Variants in WDHD1 observed in about 807,000 individuals in gnomAD.
The protein encoded by WDHD1 is WD repeat and HMG-box DNA binding protein 1, also known as WD repeat and HMG-box DNA-binding protein 1.
A neutral mutation model predicts 135.4 loss-of-function variants in WDHD1; 111 were observed. That is an observed-to-expected ratio of 0.82 (90% confidence interval 0.70 to 0.96). The LOEUF (loss-of-function observed/expected upper bound fraction) is 0.96. Ranked by LOEUF, WDHD1 falls within the 40% of genes least tolerant of loss-of-function variation. The pLI, the probability that WDHD1 is intolerant of heterozygous loss-of-function variation, is 0.00. For synonymous variants in WDHD1, 434 were observed against 439.0 expected (o/e 0.99, Z 0.14); for missense variants, 1,351 against 1,336.3 (o/e 1.01, Z -0.17).
At chr14:54,964,299 A>T (rs1473527353) in intron 18 of WDHD1, among the ~76,000 whole-genome samples, 3 of 152,066 alleles carry the variant, frequency 2.0e-5, no homozygotes, top group Non-Finnish European at 4.4e-5. Context: ...TTTATCTATA[A>T]TCAGTACTTC....
chr14:54,987,437 CAT>C lies in WDHD1; in HGVS notation c.1527-52_1527-51del, dbSNP rs139807986. ...CAATCAAACTTTCATATGATATTTA[CAT>C]ATATATATATATAAGCAATCATGAT... On this transcript the variant is annotated intron_variant, in intron 13 of 25. Coordinates refer to ENST00000360586, the MANE Select transcript of WDHD1 (RefSeq NM_007086.4). The C allele has an allele frequency of 1.4e-3, 1,918 of 1,328,258 alleles. 2 individuals are homozygous for C. Among genetic ancestry groups the C allele is most frequent in the South Asian group, 2.0e-3 (140 of 69,402 alleles). The allele number at this position is 1,328,258 out of a possible 1,614,324, so 82.3% of individuals were successfully genotyped here.
Position 54,989,127 on chromosome 14 carries a change from T to A in WDHD1, c.1427A>T (p.His476Leu). The A allele has an allele frequency of 6.2e-7, 1 of 1,613,780 alleles. No homozygotes were observed. The highest frequency in any genetic ancestry group is 8.5e-7 in the Non-Finnish European group (1 of 1,179,800). ...IDVEFHDTSIHHATHLSNTLN... is the reference protein window; with the variant it reads ...IDVEFHDTSILHATHLSNTLN... The stretch of plus-strand genomic sequence containing the variant: ...AGTGTTTGATAAGTGTGTTGCATGG[T>A]GTATGGAGGTATCATGGAACTCCAC... The change falls in exon 13 of 26, where the codon CAC becomes CTC. Residue 476 changes from histidine to leucine, a missense_variant. This residue lies in a region of WDHD1 where 1,330 missense variants were observed against 1,296.1 expected (regional missense o/e 1.03). Transcript: ENST00000360586.
chr14:54,953,618 CT>C (rs781603996), intron 24 of WDHD1, among the ~76,000 whole-genome samples: 16 of 152,210 alleles, frequency 1.1e-4, no homozygotes, highest in Non-Finnish European at 2.2e-4. Context: ...AATCCCATTA[CT>C]GGGTATATAC....
Position 54,957,038 on chromosome 14 carries a change from T to C in WDHD1, c.2912A>G (p.Lys971Arg), listed in dbSNP as rs143016162. 2.2e-5 allele frequency: 36 copies of C among 1,613,502 alleles called. No homozygotes were observed. The African/African-American group carries it at 4.4e-4, about 20-fold the overall frequency. Residue 971 changes from lysine to arginine, a missense_variant, in exon 23 of 26, where the codon AAG (lysine) becomes AGG (arginine). By Grantham distance (26) the Lys-to-Arg change is conservative. Around this residue, in one of 2 missense-constraint regions of WDHD1, gnomAD observed 1,330 missense variants for 1,296.1 expected, o/e 1.03. Transcript: ENST00000360586. ...TGAGGGTAGCTGAAACAGTACCTGC[T>C]TAGGCTTCGGCTTTGGAATCAGAGG... Reference protein sequence around the residue: ...IKPLIPKPKPKQASAASYFQK... With the variant: ...IKPLIPKPKPRQASAASYFQK...
At chr14:55,010,973 C>T (rs1452499695) in intron 3 of WDHD1, among the ~76,000 whole-genome samples, 1 of 152,190 alleles carries the variant, frequency 6.6e-6, no homozygotes, top group East Asian at 1.9e-4. Flanking sequence ...ATTGCCACAC[C>T]ACCAGAACCC....
chr14:55,018,370 T>C (rs192407809), intron 2 of WDHD1, among the ~76,000 whole-genome samples: 1 of 152,290 alleles, frequency 6.6e-6, no homozygotes, highest in Non-Finnish European at 1.5e-5. Context: ...AAAGCTGAAA[T>C]GGTGAATGAT....
At chr14:54,969,021 A>AG (rs2041388171) in intron 16 of WDHD1, among the ~76,000 whole-genome samples, 1 of 151,960 alleles carries the variant, frequency 6.6e-6, no homozygotes, top group African/African-American at 2.4e-5. Context: ...CAGCCTAGGT[A>AG]AGACCTTGTT....
intron 7 of WDHD1, among the ~76,000 whole-genome samples, chr14:55,003,264 C>A (rs1427085284): frequency 6.6e-6 from 1 of 152,036 alleles, no homozygotes; most frequent in East Asian, 1.9e-4. Context: ...AATCTCAGCA[C>A]TTTGGGAGGC....
At chr14:55,014,050 A>C (rs113581900) in intron 2 of WDHD1, among the ~76,000 whole-genome samples, 5,186 of 152,330 alleles carry the variant, frequency 0.034, 102 homozygotes, top group South Asian at 0.041. Context: ...TAAAGTGCTA[A>C]TTTCCTTCTA....
intron 11 of WDHD1, among the ~76,000 whole-genome samples, chr14:54,992,184 G>A (rs56188649): frequency 0.17 from 25,775 of 151,298 alleles, 2,292 homozygotes; most frequent in Admixed American, 0.22. Flanking sequence ...CTTGAACCCG[G>A]GAGACTCCGT....
intron 23 of WDHD1, among the ~76,000 whole-genome samples, chr14:54,955,912 T>TC (rs2041150924): frequency 6.7e-6 from 1 of 148,628 alleles, no homozygotes; most frequent in South Asian, 2.2e-4. Context: ...TTTTTTTTTT[T>TC]TTTGAGACGG....
chr14:54,988,366 G>A (rs1283086274), intron 13 of WDHD1, among the ~76,000 whole-genome samples: 2 of 151,998 alleles, frequency 1.3e-5, no homozygotes, highest in South Asian at 2.1e-4. Flanking sequence ...TGATAAAGAC[G>A]TAGTGACAAA....
chr14:54,950,921 C>T (rs529647974), intron 24 of WDHD1, among the ~76,000 whole-genome samples: 9 of 152,194 alleles, frequency 5.9e-5, no homozygotes, highest in African/African-American at 9.6e-5. Flanking sequence ...GAAATGAAGG[C>T]AGAAATAAAG....
chr14:54,985,400 T>C (rs1375280051), intron 14 of WDHD1, among the ~76,000 whole-genome samples: 3 of 152,158 alleles, frequency 2.0e-5, no homozygotes, highest in South Asian at 4.1e-4. Context: ...GAACAGCTAA[T>C]GCAAAGTCCT....
chr14:54,941,617 T>A lies in WDHD1; in HGVS notation c.3263A>T (p.Asp1088Val). The A allele has an allele frequency of 2.5e-6, 4 of 1,614,064 alleles. No homozygotes were observed. The highest frequency in any genetic ancestry group is 3.4e-6 in the Non-Finnish European group (4 of 1,179,952). ...TEAKKRKRVV[D>V]ESDETENQEE... ...CTGGTTTTCTGTTTCATCACTTTCATCAACCACACGTTTTCGCTTCTTTGC... is the reference window on the plus strand; with the variant it reads ...CTGGTTTTCTGTTTCATCACTTTCAACAACCACACGTTTTCGCTTCTTTGC... Residue 1088 changes from aspartate to valine, a missense_variant, in exon 26 of 26, where the codon GAT becomes GTT. By Grantham distance (152) the Asp-to-Val change is radical. Coordinates refer to ENST00000360586, the MANE Select transcript of WDHD1 (RefSeq NM_007086.4).
At position 55,018,150 on chromosome 14, in the gene WDHD1, T is replaced by C. The variant is rs114905095; in HGVS notation, c.78-4554A>G. Among the ~76,000 whole-genome samples, 1,297 of 152,302 alleles carry C rather than the reference T, an allele frequency of 8.5e-3. 18 individuals carry two copies. Among genetic ancestry groups the C allele is most frequent in the African/African-American group, 0.03 (1,243 of 41,562 alleles). ...ACTCTGTAAAACAACCTAAGTGTCC[T>C]ACTGTAATAATGGTATTATTATTAT... On this transcript the variant is annotated intron_variant, in intron 2 of 25. Coordinates refer to ENST00000360586, the MANE Select transcript of WDHD1 (RefSeq NM_007086.4).
At chr14:54,976,777 G>C (rs1172559584) in intron 16 of WDHD1, among the ~76,000 whole-genome samples, 1 of 151,234 alleles carries the variant, frequency 6.6e-6, no homozygotes, top group Non-Finnish European at 1.5e-5. Context: ...GTTCTACAAG[G>C]GTGTACCAAA....
chr14:55,002,396 A>G (rs552861485), intron 7 of WDHD1, among the ~76,000 whole-genome samples: 1 of 152,234 alleles, frequency 6.6e-6, no homozygotes, highest in African/African-American at 2.4e-5. Context: ...TCAGCCTCCT[A>G]AGTAGCTGGG....
chr14:54,987,432 A>T, intron 13 of WDHD1, 45 bp from the exon 14 acceptor site: 1 of 1,503,752 alleles, frequency 6.7e-7, no homozygotes, highest in Non-Finnish European at 9.0e-7. Context: ...TTCATATGAT[A>T]TTTACATATA....
Sources: gnomAD v4.1 joint callset for allele counts (sites outside exome capture counted in the v4.1 genomes callset) on GRCh38, gnomAD v4.1.1 for gene constraint, gnomAD v4.1.1 regional missense constraint, MANE v1.5 for transcripts, NCBI Gene and HGNC (gene_info 2026-07-23, HGNC 2026-07-21) for gene names.